ARID1A: variants seen among roughly 807,000 people sequenced by gnomAD.
ARID1A encodes the protein AT-rich interaction domain 1A, also known as AT-rich interactive domain-containing protein 1A.
A neutral mutation model predicts 212.6 loss-of-function variants in ARID1A; 20 were observed. That is an observed-to-expected ratio of 0.09 (90% CI 0.07 to 0.14). The LOEUF (loss-of-function observed/expected upper bound fraction) is 0.14, where lower values mean the gene tolerates loss of function less well. Ranked by LOEUF, ARID1A falls within the 10% of genes least tolerant of loss-of-function variation. The pLI is 1.00. For synonymous variants in ARID1A, 1,376 were observed against 1,222.1 expected (o/e 1.13, Z -2.63); for missense variants, 2,587 against 3,059.0 (o/e 0.85, Z 3.64).
intron 4 of ARID1A, among the ~76,000 whole-genome samples, chr1:26,738,353 G>A (rs2080754716): frequency 6.6e-6 from 1 of 151,952 alleles, no homozygotes; most frequent in Non-Finnish European, 1.5e-5. Context: ...CATACTTCTT[G>A]TTAGTACTTA....
At chr1:26,749,457 T>C (rs1051274714) in intron 4 of ARID1A, among the ~76,000 whole-genome samples, 1 of 152,224 alleles carries the variant, frequency 6.6e-6, no homozygotes, top group African/African-American at 2.4e-5. Flanking sequence ...TGAGCAGATC[T>C]GTAGGAGTAG....
At position 26,696,326 on chromosome 1, in the gene ARID1A, G is replaced by C; in HGVS notation, c.-78G>C. On this transcript the variant is annotated 5_prime_UTR_variant, in exon 1 of 20. Transcript: ENST00000324856. The stretch of plus-strand genomic sequence containing the variant: ...GGTGGGGAGGGCAGCCCGGGGGACT[G>C]GGCCCCGGGGCGGGGTGGGAGGGGG... The C allele has an allele frequency of 1.7e-6, 2 of 1,198,618 alleles. No homozygotes were observed. The highest frequency in any genetic ancestry group is 2.1e-6 in the Non-Finnish European group (2 of 966,534). 74.2% of individuals were successfully genotyped at this position (1,198,618 alleles called of 1,614,324 possible). A position where few individuals can be genotyped will look rare whatever the true frequency, so the allele number is the denominator to read the frequency against.
intron 1 of ARID1A, among the ~76,000 whole-genome samples, chr1:26,725,460 A>T (rs1278211728): frequency 2.6e-5 from 4 of 152,178 alleles, no homozygotes; most frequent in Admixed American, 6.5e-5. Flanking sequence ...ATTTGAGCAG[A>T]TGTCTAACTT....
At chr1:26,701,013 A>G (rs1305384640) in intron 1 of ARID1A, among the ~76,000 whole-genome samples, 1 of 152,200 alleles carries the variant, frequency 6.6e-6, no homozygotes, top group African/African-American at 2.4e-5. Flanking sequence ...GTGTGACATG[A>G]GTAACCATGA....
chr1:26,709,164 G>A (rs1362884693), intron 1 of ARID1A, among the ~76,000 whole-genome samples: 1 of 152,074 alleles, frequency 6.6e-6, no homozygotes, highest in Non-Finnish European at 1.5e-5. Flanking sequence ...TATATAATGA[G>A]GAAAAATATC....
intron 18 of ARID1A, 127 bp from the exon 19 acceptor site, chr1:26,775,450 A>G: frequency 6.9e-7 from 1 of 1,439,472 alleles, no homozygotes; most frequent in Admixed American, 2.3e-5. Context: ...GGTGTGTTTC[A>G]TCTCCCAGAC....
chr1:26,734,304 T>C (rs1342264429), intron 4 of ARID1A, among the ~76,000 whole-genome samples: 5 of 151,994 alleles, frequency 3.3e-5, no homozygotes, highest in Admixed American at 6.6e-5. Flanking sequence ...AAGTTTTTGC[T>C]TGCTTCTGGT....
Position 26,696,436 on chromosome 1 carries a change from C to T in ARID1A, c.33C>T (p.Ser11=), listed in dbSNP as rs2124739815. ...CGCAGGTCGCCCCCGCCGCCGCCAG[C>T]AGCCTGGGCAACCCGCCGCCGCCGC... is the stretch of plus-strand genomic sequence containing the variant. MAAQVAPAAA[S]SLGNPPPPPP... The change falls in exon 1 of 20, where the codon AGC becomes AGT. Residue 11 remains serine, a synonymous_variant. Coordinates refer to ENST00000324856, the MANE Select transcript of ARID1A (RefSeq NM_006015.6). 3.1e-6 allele frequency: 4 copies of T among 1,290,392 alleles called. No homozygotes were observed. The highest frequency in any genetic ancestry group is 3.9e-6 in the Non-Finnish European group (4 of 1,020,394). 79.9% of individuals were successfully genotyped at this position (1,290,392 alleles called of 1,614,324 possible).
At position 26,779,798 on chromosome 1, in the gene ARID1A, T is replaced by C. The variant is rs2124143921; in HGVS notation, c.5900T>C (p.Leu1967Pro). The change falls in exon 20 of 20, where the codon CTG becomes CCG. Residue 1967 changes from leucine (L) to proline (P), a missense_variant. Around this residue, in one of 11 missense-constraint regions of ARID1A, gnomAD observed 168 missense variants for 321.0 expected, o/e 0.52. Transcript: ENST00000324856. ...DEPHSKDETP[L>P]CTLLDWQDSL... ...CCCCACAGTAAGGATGAGACCCCAC[T>C]GTGTACCCTTCTGGACTGGCAGGAT... The C allele has an allele frequency of 6.2e-7, 1 of 1,614,094 alleles. No individual in the cohort carries two copies.
In ARID1A at chr1:26,696,401, A is replaced by G; in HGVS notation, c.-3A>G. 1.6e-6 allele frequency: 2 copies of G among 1,269,940 alleles called. No homozygotes were observed. The highest frequency in any genetic ancestry group is 2.5e-5 in the South Asian group (1 of 40,616). 78.7% of individuals were successfully genotyped at this position (1,269,940 alleles called of 1,614,324 possible). A position where few individuals can be genotyped will look rare whatever the true frequency, so the allele number is the denominator to read the frequency against. ...TCTCTCCGCGGACGAGACAGCGGGG[A>G]TCATGGCCGCGCAGGTCGCCCCCGC... is the stretch of plus-strand genomic sequence containing the variant. On this transcript the variant is annotated 5_prime_UTR_variant, in exon 1 of 20. Coordinates refer to ENST00000324856, the MANE Select transcript of ARID1A (RefSeq NM_006015.6).
At chr1:26,772,745 GCGTGTC>G in intron 13 of ARID1A, 61 bp from the exon 14 acceptor site, 1 of 1,606,540 alleles carries the variant, frequency 6.2e-7, no homozygotes, top group Admixed American at 1.7e-5. Context: ...AGTGACTCCT[GCGTGTC>G]CTTTGTTATA....
intron 4 of ARID1A, among the ~76,000 whole-genome samples, chr1:26,759,821 C>T (rs2080974771): frequency 6.6e-6 from 1 of 152,178 alleles, no homozygotes; most frequent in African/African-American, 2.4e-5. Context: ...GTTCAATTGG[C>T]AAACATTTGT....
intron 19 of ARID1A, chr1:26,778,791 A>G: frequency 2.5e-6 from 1 of 398,312 alleles, no homozygotes; most frequent in South Asian, 8.1e-5. Flanking sequence ...GCTGTTGGCT[A>G]GTGTTCCTGG....
Position 26,774,847 on chromosome 1 carries a change from C to A in ARID1A, c.4620C>A (p.Asn1540Lys), listed in dbSNP as rs2124121008. The A allele has an allele frequency of 6.2e-7, 1 of 1,608,554 alleles. No individual in the cohort carries two copies. The highest frequency in any genetic ancestry group is 8.5e-7 in the Non-Finnish European group (1 of 1,176,142). ...DEMLHTDQRA[N>K]HEGSWPSHGT... ...TGCTGCACACAGATCAGAGGGCCAA[C>A]CACGAAGGCTCGTGGCCTTCCCATG... The change falls in exon 18 of 20, where the codon AAC becomes AAA. Residue 1540 changes from asparagine (N) to lysine (K), a missense_variant. This residue lies in a region of ARID1A where 890 missense variants were observed against 1,098.2 expected (regional missense o/e 0.81). Transcript: ENST00000324856. The surrounding 1 kb of genome is among the most constrained non-coding windows in gnomAD (Gnocchi z 5.6).
intron 1 of ARID1A, among the ~76,000 whole-genome samples, chr1:26,727,023 GGAGT>G (rs770290225): frequency 1.3e-5 from 2 of 152,348 alleles, no homozygotes; most frequent in African/African-American, 2.4e-5. Flanking sequence ...GGGGAATCTT[GGAGT>G]GAGACTGAAA....
chr1:26,762,047 T>G, intron 6 of ARID1A, 105 bp from the exon 7 acceptor site: 1 of 1,289,222 alleles, frequency 7.8e-7, no homozygotes, highest in Non-Finnish European at 1.1e-6. Context: ...TCCATGCAAG[T>G]GGCTGCTAAA....
Position 26,732,843 on chromosome 1 carries a change from A to G in ARID1A, c.1920+51A>G, listed in dbSNP as rs114178646. On this transcript the variant is annotated intron_variant, in intron 4 of 19. Transcript: ENST00000324856. ...GGTGATAGGGGCAGAGAGGAAACCA[A>G]TGCAAACTAGTTAGTTTCTGGTTGG... The G allele has an allele frequency of 5.7e-3, 8,280 of 1,451,126 alleles. 35 individuals carry two copies. Among genetic ancestry groups the G allele is most frequent in the Admixed American group, 7.5e-3 (414 of 55,136 alleles). 89.9% of individuals were successfully genotyped at this position (1,451,126 alleles called of 1,614,324 possible). A position where few individuals can be genotyped will look rare whatever the true frequency, so the allele number is the denominator to read the frequency against.
In ARID1A at chr1:26,722,582, A is replaced by G. The variant is rs2080575564; in HGVS notation, c.1138-7069A>G. Reference sequence around the variant, plus strand: ...ACTTGGAAATTTATGGAAGTTTGAAAGAATTTTTAAAAAACAAAACTTTTT... The same window carrying G: ...ACTTGGAAATTTATGGAAGTTTGAAGGAATTTTTAAAAAACAAAACTTTTT... On this transcript the variant is annotated intron_variant, in intron 1 of 19. Transcript: ENST00000324856. Among the ~76,000 whole-genome samples, 4 of 152,186 alleles carry G rather than the reference A, an allele frequency of 2.6e-5. No homozygotes were observed. The South Asian group carries it at 8.3e-4, about 31-fold the overall frequency.
At position 26,780,282 on chromosome 1, in the gene ARID1A, G is replaced by C. The variant is rs761716992; in HGVS notation, c.6384G>C (p.Gln2128His). 1.2e-6 allele frequency: 2 copies of C among 1,614,218 alleles called. No homozygotes were observed. The highest frequency in any genetic ancestry group is 2.2e-5 in the South Asian group (2 of 91,086). Residue 2128 changes from glutamine to histidine, a missense_variant, in exon 20 of 20, where the codon CAG becomes CAC. Physicochemically the swap from Gln to His is conservative, Grantham distance 24. Around this residue, in one of 11 missense-constraint regions of ARID1A, gnomAD observed 168 missense variants for 321.0 expected, o/e 0.52. Transcript: ENST00000324856. The surrounding 1 kb of genome is among the most constrained non-coding windows in gnomAD (Gnocchi z 7.2). The part of the protein sequence containing the change: ...VLETLSKLSI[Q>H]DNNVDLILAT... ...AAACCCTCAGCAAACTCAGCATCCAGGACAACAATGTGGACCTGATTCTGG... is the reference window on the plus strand; with the variant it reads ...AAACCCTCAGCAAACTCAGCATCCACGACAACAATGTGGACCTGATTCTGG...
Sources: gnomAD v4.1 joint callset for allele counts (sites outside exome capture counted in the v4.1 genomes callset) on GRCh38, gnomAD v4.1.1 for gene constraint, gnomAD v4.1.1 regional missense constraint, Gnocchi (gnomAD v3.1) non-coding constraint, MANE v1.5 for transcripts, NCBI Gene and HGNC (gene_info 2026-07-23, HGNC 2026-07-21) for gene names.